The following PDGFC variants were observed in gnomAD, a reference collection of about 807,000 sequenced individuals.
PDGFC encodes the protein platelet-derived growth factor C.
In PDGFC, 12 loss-of-function variants were observed where a neutral mutation model predicts 35.5. The ratio of observed to expected loss-of-function variants is 0.34; its 90% CI spans 0.22 to 0.55. The LOEUF (loss-of-function observed/expected upper bound fraction) is 0.55, where lower values mean the gene tolerates loss of function less well. PDGFC is among the 20% of genes least tolerant of loss of function. PDGFC has a pLI of 0.91. For synonymous variants in PDGFC, 159 were observed against 148.8 expected (o/e 1.07, Z -0.50); for missense variants, 322 against 412.4 (o/e 0.78, Z 1.90).
At chr4:156,806,518 G>A (rs1039217646) in intron 3 of PDGFC, among the ~76,000 whole-genome samples, 11 of 151,630 alleles carry the variant, frequency 7.3e-5, no homozygotes, top group Non-Finnish European at 1.3e-4. Context: ...GGGAGAATAA[G>A]AAAATCTTCA....
At chr4:156,845,503 C>T (rs77066927) in intron 2 of PDGFC, among the ~76,000 whole-genome samples, 2,433 of 151,700 alleles carry the variant, frequency 0.016, 62 homozygotes, top group African/African-American at 0.055. Flanking sequence ...CCAATTCTGT[C>T]GGAGCTCAGC....
chr4:156,822,698 T>G lies in PDGFC; in HGVS notation c.315-11681A>C, dbSNP rs936331325. 2.0e-5 allele frequency among the ~76,000 whole-genome samples: 3 copies of G among 152,144 alleles called. No individual in the cohort carries two copies. In the South Asian group the frequency reaches 6.2e-4, roughly 32 times the overall value. On this transcript the variant is annotated intron_variant, in intron 2 of 5. Transcript: ENST00000502773. ...TGTAACAAGGGAAAACTCATATAGG[T>G]AAGGGTAATAGACCTGGAGCAGAAA...
chr4:156,816,681 G>A (rs535613130), intron 2 of PDGFC, among the ~76,000 whole-genome samples: 2 of 152,108 alleles, frequency 1.3e-5, no homozygotes, highest in Admixed American at 6.5e-5. Context: ...GCAAAGCGAA[G>A]GCTTCATTCT....
At chr4:156,926,391 G>A (rs1731413639) in intron 1 of PDGFC, among the ~76,000 whole-genome samples, 2 of 152,026 alleles carry the variant, frequency 1.3e-5, no homozygotes, top group Admixed American at 1.3e-4. Context: ...GGAAGTACTG[G>A]GTAGATAAAG....
At chr4:156,960,338 A>G (rs1226192253) in intron 1 of PDGFC, among the ~76,000 whole-genome samples, 1 of 150,104 alleles carries the variant, frequency 6.7e-6, no homozygotes, top group Non-Finnish European at 1.5e-5. Flanking sequence ...TTTTATTTCT[A>G]AACAAAAGTA....
In PDGFC at chr4:156,882,912, G is replaced by A. The variant is rs538487013; in HGVS notation, c.119-32496C>T. The stretch of plus-strand genomic sequence containing the variant: ...ATCCTGGCTAACAAGGTGAAACCCC[G>A]TCTCTACTAAAAATACAAAAAATTA... On this transcript the variant is annotated intron_variant, in intron 1 of 5. Transcript: ENST00000502773. 2.5e-3 allele frequency among the ~76,000 whole-genome samples: 375 copies of A among 152,014 alleles called. 11 individuals carry two copies. The highest frequency in any genetic ancestry group is 3.4e-3 in the Middle Eastern group (1 of 294).
At chr4:156,779,239 T>C in intron 3 of PDGFC, 1 of 447,160 alleles carries the variant, frequency 2.2e-6, no homozygotes, top group Non-Finnish European at 4.5e-6. Flanking sequence ...TCCGAATTCA[T>C]TCAAAAAGTT....
At chr4:156,848,283 G>T (rs1553969458) in intron 2 of PDGFC, among the ~76,000 whole-genome samples, 1 of 151,830 alleles carries the variant, frequency 6.6e-6, no homozygotes, top group Non-Finnish European at 1.5e-5. Flanking sequence ...TGGTGAGAAT[G>T]CTGTGCAACA....
intron 1 of PDGFC, among the ~76,000 whole-genome samples, chr4:156,879,867 G>T (rs1236398439): frequency 1.3e-5 from 2 of 152,150 alleles, no homozygotes; most frequent in African/African-American, 4.8e-5. Flanking sequence ...GCTAAATAAA[G>T]TTTTTGTTCT....
intron 1 of PDGFC, 145 bp downstream of exon 1, chr4:156,970,641 T>C (rs903228690): frequency 1.5e-6 from 1 of 679,806 alleles, no homozygotes. Flanking sequence ...TAACAGTCCA[T>C]GCCAATGAAC....
At chr4:156,784,338 A>AT (rs893149429) in intron 3 of PDGFC, among the ~76,000 whole-genome samples, 1 of 152,106 alleles carries the variant, frequency 6.6e-6, no homozygotes, top group Non-Finnish European at 1.5e-5. Context: ...GGTCTTAGTG[A>AT]TTTTTCCTCC....
At position 156,805,840 on chromosome 4, in the gene PDGFC, T is replaced by C. The variant is rs550614327; in HGVS notation, c.495+4997A>G. Reference sequence around the variant, plus strand: ...CTTTGTTCACCATATCCTGCATAATTAATAACCACTTTGGCAATCAGTCAT... The same window carrying C: ...CTTTGTTCACCATATCCTGCATAATCAATAACCACTTTGGCAATCAGTCAT... On this transcript the variant is annotated intron_variant, in intron 3 of 5. Coordinates refer to ENST00000502773, the MANE Select transcript of PDGFC (RefSeq NM_016205.3). Among the ~76,000 whole-genome samples the C allele has an allele frequency of 3.3e-5, 5 of 152,154 alleles. No homozygotes were observed. In the South Asian group the frequency reaches 1.0e-3, roughly 32 times the overall value.
intron 1 of PDGFC, among the ~76,000 whole-genome samples, chr4:156,908,695 A>G (rs899413766): frequency 6.6e-6 from 1 of 152,128 alleles, no homozygotes; most frequent in African/African-American, 2.4e-5. Flanking sequence ...ACCTAAACCT[A>G]CCATACATTT....
At position 156,968,497 on chromosome 4, in the gene PDGFC, T is replaced by C. The variant is rs376616161; in HGVS notation, c.118+2289A>G. ...AAAGATTACCCACATAATGGAAAATTTGAAAGACAAAAAGAAGAAGAAGTA... is the reference window on the plus strand; with the variant it reads ...AAAGATTACCCACATAATGGAAAATCTGAAAGACAAAAAGAAGAAGAAGTA... On this transcript the variant is annotated intron_variant, in intron 1 of 5. Transcript: ENST00000502773. Among the ~76,000 whole-genome samples, 28 of 152,094 alleles carry C rather than the reference T, an allele frequency of 1.8e-4. 1 individual carries two copies. Among genetic ancestry groups the C allele is most frequent in the African/African-American group, 6.3e-4 (26 of 41,488 alleles).
chr4:156,797,888 G>C (rs1187298392), intron 3 of PDGFC, among the ~76,000 whole-genome samples: 1 of 152,044 alleles, frequency 6.6e-6, no homozygotes, highest in African/African-American at 2.4e-5. Flanking sequence ...CCTTTAGACC[G>C]ACATTAAAAT....
At chr4:156,877,434 G>GT (rs1233049938) in intron 1 of PDGFC, among the ~76,000 whole-genome samples, 1 of 152,016 alleles carries the variant, frequency 6.6e-6, no homozygotes, top group African/African-American at 2.4e-5. Context: ...CTAAATAATT[G>GT]TAAGTCAATC....
At chr4:156,848,891 G>GA (rs1314279401) in intron 2 of PDGFC, among the ~76,000 whole-genome samples, 1 of 151,928 alleles carries the variant, frequency 6.6e-6, no homozygotes, top group East Asian at 1.9e-4. Flanking sequence ...GAAAGCACAA[G>GA]AAAGTGCTAA....
rs77323906 is a variant in PDGFC, at chr4:156,797,690, G to A, written c.495+13147C>T. On this transcript the variant is annotated intron_variant, in intron 3 of 5. Coordinates refer to ENST00000502773, the MANE Select transcript of PDGFC (RefSeq NM_016205.3). Reference sequence around the variant, plus strand: ...GGAAGTTTCCAAGTTTGTGTTAGACGGCATTGAAAGCCGTCCTGGGCCACA... The same window carrying A: ...GGAAGTTTCCAAGTTTGTGTTAGACAGCATTGAAAGCCGTCCTGGGCCACA... Among the ~76,000 whole-genome samples the A allele has an allele frequency of 9.7e-3, 1,474 of 152,250 alleles. 27 individuals carry two copies. Among genetic ancestry groups the A allele is most frequent in the African/African-American group, 0.034 (1,399 of 41,534 alleles).
intron 1 of PDGFC, among the ~76,000 whole-genome samples, chr4:156,889,980 T>C (rs1451995330): frequency 1.1e-4 from 17 of 152,188 alleles, no homozygotes; most frequent in Admixed American, 1.1e-3. Flanking sequence ...TCATTGACGA[T>C]TATTTTTTAA....
Sources: gnomAD v4.1 joint callset for allele counts (sites outside exome capture counted in the v4.1 genomes callset) on GRCh38, gnomAD v4.1.1 for gene constraint, MANE v1.5 for transcripts, NCBI Gene and HGNC (gene_info 2026-07-23, HGNC 2026-07-21) for gene names.